Variants in RWDD1 observed in about 807,000 individuals in gnomAD.
RWDD1 encodes RWD domain-containing protein 1.
RWDD1 carries 17 observed loss-of-function variants against 31.6 expected under a neutral mutation model. The observed-to-expected ratio is 0.54, with a 90% CI of 0.37 to 0.81. RWDD1 has a LOEUF of 0.81. Among genes scored for constraint, RWDD1 ranks in the 30% least tolerant of loss-of-function variants. The probability of loss-of-function intolerance (pLI) is 0.00; values close to 1 mark genes in which losing one functional copy is unlikely to be tolerated. For missense variants in RWDD1, 204 were observed against 274.5 expected, an observed-to-expected ratio of 0.74 and a Z score of 1.82; for synonymous variants, 78 against 94.2, an observed-to-expected ratio of 0.83 and a Z score of 0.99.
rs762833539 is a variant in RWDD1, at chr6:116,596,735, C to T, written c.*3634C>T. 26 of 152,082 alleles carry T rather than the reference C, an allele frequency of 1.7e-4. No individual in the cohort carries two copies. Among genetic ancestry groups the T allele is most frequent in the African/African-American group, 5.8e-4 (24 of 41,384 alleles). The allele number at this position is 152,082 out of a possible 1,614,324, so 9.4% of individuals were successfully genotyped here. On this transcript the variant is annotated 3_prime_UTR_variant, in exon 7 of 7. Coordinates refer to ENST00000466444, the MANE Select transcript of RWDD1 (RefSeq NM_015952.4). ...ATCACTTTAAAAGAGCCATCAAATACGCCTACATATTGAGCCACTCTTTAT... is the reference window on the plus strand; with the variant it reads ...ATCACTTTAAAAGAGCCATCAAATATGCCTACATATTGAGCCACTCTTTAT...
At chr6:116,580,642 G>T (rs1378987969) in intron 2 of RWDD1, among the ~76,000 whole-genome samples, 2 of 152,068 alleles carry the variant, frequency 1.3e-5, no homozygotes, top group African/African-American at 2.4e-5. Context: ...GGAAACTTTT[G>T]TTTTGTTCAA....
At chr6:116,590,817 T>C in intron 5 of RWDD1, 71 bp from the exon 6 acceptor site, 1 of 1,503,396 alleles carries the variant, frequency 6.7e-7, no homozygotes, top group Admixed American at 2.8e-5. Context: ...AAATTTGCTT[T>C]CTAAGTATTG....
In RWDD1 at chr6:116,594,221, C is replaced by T. The variant is rs1317149714; in HGVS notation, c.*1120C>T. On this transcript the variant is annotated 3_prime_UTR_variant, in exon 7 of 7. Coordinates refer to ENST00000466444, the MANE Select transcript of RWDD1 (RefSeq NM_015952.4). ...AGGGATCTACCTGCTATAACCCAAA[C>T]ACCCCACCAGCCCCCATCTCCCAAC... is the stretch of plus-strand genomic sequence containing the variant. The T allele has an allele frequency of 6.6e-6, 1 of 151,710 alleles. No individual in the cohort carries two copies. The highest frequency in any genetic ancestry group is 2.4e-5 in the African/African-American group (1 of 41,256). The allele number at this position is 151,710 out of a possible 1,614,324, so 9.4% of individuals were successfully genotyped here. A position where few individuals can be genotyped will look rare whatever the true frequency, so the allele number is the denominator to read the frequency against.
intron 1 of RWDD1, among the ~76,000 whole-genome samples, chr6:116,578,907 G>T (rs888025165): frequency 2.0e-5 from 3 of 151,994 alleles, no homozygotes; most frequent in Admixed American, 2.0e-4. Flanking sequence ...ACAGAGTCCT[G>T]CTCTGTCGTC....
intron 1 of RWDD1, among the ~76,000 whole-genome samples, chr6:116,578,157 C>G (rs530084971): frequency 9.2e-5 from 14 of 152,278 alleles, no homozygotes; most frequent in African/African-American, 2.9e-4. Flanking sequence ...TTTAAAAGCT[C>G]TCTATCTCAG....
intron 3 of RWDD1, among the ~76,000 whole-genome samples, chr6:116,586,144 GGT>G (rs1413357845): frequency 5.9e-5 from 9 of 152,128 alleles, no homozygotes; most frequent in African/African-American, 2.2e-4. Flanking sequence ...CTGACCCTCA[GGT>G]GTGATCAGGG....
intron 3 of RWDD1, 91 bp from the exon 4 acceptor site, chr6:116,588,751 C>T: frequency 1.3e-6 from 1 of 788,396 alleles, no homozygotes. Context: ...ACTGTATGAA[C>T]ATAGAATATA....
chr6:116,571,768 C>T (rs969819930), intron 1 of RWDD1, 113 bp downstream of exon 1: 1 of 821,052 alleles, frequency 1.2e-6, no homozygotes, highest in Non-Finnish European at 1.8e-6. Context: ...CTTGAGGCCG[C>T]GCGGCCACCT....
chr6:116,593,333 T>A lies in RWDD1; in HGVS notation c.*232T>A, dbSNP rs1583337877. ...TACGTATTTAAAATCACCTAGTATT[T>A]GAGAGAGATCCTGCCTATAGCACCA... On this transcript the variant is annotated 3_prime_UTR_variant, in exon 7 of 7. Transcript: ENST00000466444. 1 of 343,568 alleles carries A rather than the reference T, an allele frequency of 2.9e-6. No individual in the cohort carries two copies. The highest frequency in any genetic ancestry group is 4.6e-5 in the Admixed American group (1 of 21,804). The allele number at this position is 343,568 out of a possible 1,614,324, so 21.3% of individuals were successfully genotyped here. A position where few individuals can be genotyped will look rare whatever the true frequency, so the allele number is the denominator to read the frequency against.
Position 116,571,534 on chromosome 6 carries a change from C to G in RWDD1, c.-49C>G. ...GGCGCGGCAGCTGTCTGGGCTGCTGCGCGCCGCCTAGGTGTCTGGGCGATC... is the reference window on the plus strand; with the variant it reads ...GGCGCGGCAGCTGTCTGGGCTGCTGGGCGCCGCCTAGGTGTCTGGGCGATC... On this transcript the variant is annotated 5_prime_UTR_variant, in exon 1 of 7. Transcript: ENST00000466444. 6.3e-7 allele frequency: 1 copy of G among 1,580,804 alleles called. No individual in the cohort carries two copies. Among genetic ancestry groups the G allele is most frequent in the Non-Finnish European group, 8.6e-7 (1 of 1,160,828 alleles).
At position 116,575,047 on chromosome 6, in the gene RWDD1, G is replaced by A. The variant is rs1167037227; in HGVS notation, c.73+3392G>A. Among the ~76,000 whole-genome samples, 6 of 151,902 alleles carry A rather than the reference G, an allele frequency of 3.9e-5. No homozygotes were observed. In the South Asian group the frequency reaches 1.0e-3, roughly 26 times the overall value. On this transcript the variant is annotated intron_variant, in intron 1 of 6. Coordinates refer to ENST00000466444, the MANE Select transcript of RWDD1 (RefSeq NM_015952.4). ...CAACTCCCAAAGTGCTGGGGTTATA[G>A]GCGTGAGCCATTGCACCTGGCCCAG...
At chr6:116,589,075 T>G in intron 4 of RWDD1, 90 bp downstream of exon 4, 1 of 1,070,596 alleles carries the variant, frequency 9.3e-7, no homozygotes, top group South Asian at 4.2e-5. Context: ...TAGCAGTATT[T>G]TTTTTGGAAA....
intron 2 of RWDD1, among the ~76,000 whole-genome samples, chr6:116,584,331 G>C (rs1282431937): frequency 6.6e-6 from 1 of 152,234 alleles, no homozygotes; most frequent in Non-Finnish European, 1.5e-5. Flanking sequence ...GCTATAGCCA[G>C]ATCTTCTGCA....
rs775910567 is a variant in RWDD1, at chr6:116,588,975, A to C, written c.404A>C (p.Glu135Ala). 2 of 1,396,074 alleles carry C rather than the reference A, an allele frequency of 1.4e-6. No individual in the cohort carries two copies. Among genetic ancestry groups the C allele is most frequent in the Non-Finnish European group, 9.4e-7 (1 of 1,063,040 alleles). 86.5% of individuals were successfully genotyped at this position (1,396,074 alleles called of 1,614,324 possible). A position where few individuals can be genotyped will look rare whatever the true frequency, so the allele number is the denominator to read the frequency against. ...EKKQKEKEAE[E>A]AEKQLFHGTP... ...AAACAAAAAGAAAAAGAAGCAGAAG[A>C]AGCTGAAAAGGTATATTTAAAAGCC... The change falls in exon 4 of 7, where the codon GAA (glutamate) becomes GCA (alanine). Residue 135 changes from glutamate (E) to alanine (A), a missense_variant. Transcript: ENST00000466444.
chr6:116,571,734 A>G (rs1583327081), intron 1 of RWDD1, 79 bp downstream of exon 1: 4 of 1,365,652 alleles, frequency 2.9e-6, no homozygotes, highest in Non-Finnish European at 4.0e-6. Flanking sequence ...TCTGGGCCTC[A>G]TAGGTTGGGG....
chr6:116,572,586 A>C (rs17078073), intron 1 of RWDD1: 28,811 of 152,246 alleles, frequency 0.19, 2,909 homozygotes, highest in East Asian at 0.29. Context: ...AAAATGCTAC[A>C]TAACTATATC....
chr6:116,571,951 A>G (rs1415997244), intron 1 of RWDD1, among the ~76,000 whole-genome samples: 8 of 152,096 alleles, frequency 5.3e-5, no homozygotes, highest in Admixed American at 5.2e-4. Flanking sequence ...CCTGAGATTT[A>G]TAATACATTA....
At position 116,584,730 on chromosome 6, in the gene RWDD1, T is replaced by C. The variant is rs761710819; in HGVS notation, c.143T>C (p.Val48Ala). The C allele has an allele frequency of 1.2e-6, 2 of 1,611,076 alleles. No individual in the cohort carries two copies. Among genetic ancestry groups the C allele is most frequent in the Admixed American group, 3.3e-5 (2 of 59,888 alleles). The change falls in exon 3 of 7, where the codon GTC becomes GCC. Residue 48 changes from valine (V) to alanine (A), a missense_variant. Val to Ala is a moderately conservative substitution (Grantham distance 64). Transcript: ENST00000466444. ...TSEAGENDET[V>A]QTTLKFTYSE... is the part of the protein sequence containing the mutation. ...AAACTCTTATCTTGTGTCTTAGCTG[T>C]CCAGACTACCCTCAAGTTTACATAC...
chr6:116,576,847 T>G (rs1282024093), intron 1 of RWDD1, among the ~76,000 whole-genome samples: 1 of 152,102 alleles, frequency 6.6e-6, no homozygotes, highest in Non-Finnish European at 1.5e-5. Flanking sequence ...GTGATTTGGG[T>G]ATTGCTAGAA....
Sources: gnomAD v4.1 joint callset for allele counts (sites outside exome capture counted in the v4.1 genomes callset) on GRCh38, gnomAD v4.1.1 for gene constraint, MANE v1.5 for transcripts, NCBI Gene and HGNC (gene_info 2026-07-23, HGNC 2026-07-21) for gene names.